Variants in GRM7 observed in about 807,000 individuals in gnomAD.
GRM7 encodes glutamate metabotropic receptor 7.
Under a neutral mutation model 84.5 loss-of-function variants are expected in GRM7, and 35 were observed. That is an observed-to-expected ratio of 0.41 (90% CI 0.32 to 0.55). The LOEUF (loss-of-function observed/expected upper bound fraction) is 0.55. Ranked by LOEUF, GRM7 falls within the 20% of genes least tolerant of loss-of-function variation. GRM7 has a pLI of 0.19. For missense variants in GRM7, 1,003 were observed against 1,194.6 expected (o/e 0.84, Z 2.36); for synonymous variants, 487 against 455.1 (o/e 1.07, Z -0.89).
Position 7,151,751 on chromosome 3 carries a change from G to T in GRM7, c.736+5083G>T, listed in dbSNP as rs187565466. 6.6e-6 allele frequency among the ~76,000 whole-genome samples: 1 copy of T among 152,056 alleles called. No homozygotes were observed. The highest frequency in any genetic ancestry group is 6.6e-5 in the Admixed American group (1 of 15,262). ...CTTACGATATGTAATTTTGCTAGAA[G>T]GCCATAAAATACTACATCCTAGATC... is the stretch of plus-strand genomic sequence containing the variant. On this transcript the variant is annotated intron_variant, in intron 2 of 9. Transcript: ENST00000357716. The surrounding 1 kb of genome is among the most constrained non-coding windows in gnomAD (Gnocchi z 4.5).
rs79849389 is a variant in GRM7, at chr3:7,421,809, T to C, written c.1174+6646T>C. Among the ~76,000 whole-genome samples, 703 of 152,040 alleles carry C rather than the reference T, an allele frequency of 4.6e-3. 6 individuals are homozygous for C. Among genetic ancestry groups the C allele is most frequent in the South Asian group, 0.023 (109 of 4,814 alleles). On this transcript the variant is annotated intron_variant, in intron 5 of 9. Transcript: ENST00000357716. The stretch of plus-strand genomic sequence containing the variant: ...AGAGCCTAGGAGCTCTTCAGTTTTT[T>C]GTTTTCGTTTTTGTTTTAAAGGAGT...
intron 1 of GRM7, among the ~76,000 whole-genome samples, chr3:7,121,485 T>C (rs1205204728): frequency 6.6e-6 from 1 of 152,226 alleles, no homozygotes; most frequent in African/African-American, 2.4e-5. Flanking sequence ...GAGTTATCTA[T>C]GCTTCATTGA....
At chr3:7,668,074 C>A (rs1268236352) in intron 8 of GRM7, among the ~76,000 whole-genome samples, 1 of 152,086 alleles carries the variant, frequency 6.6e-6, no homozygotes, top group African/African-American at 2.4e-5. Context: ...GACAATTATG[C>A]TTTATGGTTT....
At chr3:7,605,955 C>T (rs571582906) in intron 8 of GRM7, among the ~76,000 whole-genome samples, 28 of 152,158 alleles carry the variant, frequency 1.8e-4, no homozygotes, top group African/African-American at 2.9e-4. Context: ...AACAGGTAAT[C>T]GGCCTTATTA....
intron 2 of GRM7, among the ~76,000 whole-genome samples, chr3:7,265,796 C>T (rs1040620013): frequency 6.6e-6 from 1 of 152,172 alleles, no homozygotes; most frequent in Non-Finnish European, 1.5e-5. Flanking sequence ...TTTCTTTGTT[C>T]CTTTCTAAGT....
chr3:7,454,090 A>ACACTCTTTCT (rs1365192243), intron 6 of GRM7, among the ~76,000 whole-genome samples: 1 of 140,122 alleles, frequency 7.1e-6, no homozygotes, highest in African/African-American at 2.8e-5. Context: ...CTACACACAC[A>ACACTCTTTCT]CTCTCTCTCT....
intron 2 of GRM7, among the ~76,000 whole-genome samples, chr3:7,283,204 A>C (rs927431203): frequency 6.6e-6 from 1 of 152,156 alleles, no homozygotes; most frequent in African/African-American, 2.4e-5. Flanking sequence ...GGCACTGGAC[A>C]CTTCCCAGCT....
At chr3:7,424,591 G>A (rs13353402) in intron 5 of GRM7, among the ~76,000 whole-genome samples, 2,774 of 152,144 alleles carry the variant, frequency 0.018, 79 homozygotes, top group African/African-American at 0.057. Flanking sequence ...AGCTACCAAC[G>A]AGAAAAATTT....
intron 7 of GRM7, among the ~76,000 whole-genome samples, chr3:7,551,181 G>A (rs905668933): frequency 2.6e-5 from 4 of 152,154 alleles, no homozygotes; most frequent in Non-Finnish European, 5.9e-5. Context: ...ATAGAGGCAA[G>A]TTTCTCCTTA....
chr3:7,166,121 T>C (rs1694790529), intron 2 of GRM7, among the ~76,000 whole-genome samples: 1 of 152,234 alleles, frequency 6.6e-6, no homozygotes, highest in Non-Finnish European at 1.5e-5. Flanking sequence ...GAGAGATATG[T>C]ATAATTTTAT....
chr3:6,862,921 G>A lies in GRM7; in HGVS notation c.519+1014G>A. On this transcript the variant is annotated intron_variant, in intron 1 of 9. Transcript: ENST00000357716. This position sits in a 1 kb window ranked among gnomAD's most constrained non-coding sequence, Gnocchi z 5.2. Reference sequence around the variant, plus strand: ...ATGGGAGGAAGGCGGATCCGGGGCCGCTGAGCGGTGGGTTCTGCCGCAGTG... The same window carrying A: ...ATGGGAGGAAGGCGGATCCGGGGCCACTGAGCGGTGGGTTCTGCCGCAGTG... 2.3e-6 allele frequency: 1 copy of A among 434,678 alleles called. No individual in the cohort carries two copies. Among genetic ancestry groups the A allele is most frequent in the Non-Finnish European group, 4.6e-6 (1 of 217,854 alleles). 26.9% of individuals were successfully genotyped at this position (434,678 alleles called of 1,614,324 possible).
chr3:7,132,300 A>G (rs1693628020), intron 1 of GRM7, among the ~76,000 whole-genome samples: 1 of 152,192 alleles, frequency 6.6e-6, no homozygotes, highest in Admixed American at 6.5e-5. Flanking sequence ...CTTACTTGGT[A>G]TGTAACAAAA....
chr3:6,963,848 T>C (rs559832151), intron 1 of GRM7, among the ~76,000 whole-genome samples: 1 of 152,328 alleles, frequency 6.6e-6, no homozygotes, highest in Non-Finnish European at 1.5e-5. Flanking sequence ...AATATATGCT[T>C]ATTTTTTTCG....
At chr3:7,697,486 G>A (rs1236422643) in intron 9 of GRM7, among the ~76,000 whole-genome samples, 1 of 152,094 alleles carries the variant, frequency 6.6e-6, no homozygotes, top group African/African-American at 2.4e-5. Flanking sequence ...CTTCATTAAA[G>A]AGCTGTAATA....
chr3:7,209,896 G>A (rs1458326716), intron 2 of GRM7, among the ~76,000 whole-genome samples: 1 of 152,126 alleles, frequency 6.6e-6, no homozygotes, highest in Admixed American at 6.6e-5. Flanking sequence ...GCAGGAGAGA[G>A]GCCTGTCTCA....
chr3:7,362,715 A>G (rs1282067895), intron 4 of GRM7, among the ~76,000 whole-genome samples: 1 of 152,104 alleles, frequency 6.6e-6, no homozygotes. Context: ...TTAGACTTAT[A>G]CTTTCAAGTT....
At chr3:6,898,939 G>A (rs903828562) in intron 1 of GRM7, among the ~76,000 whole-genome samples, 1 of 152,150 alleles carries the variant, frequency 6.6e-6, no homozygotes, top group African/African-American at 2.4e-5. Context: ...GCAAGTGGTT[G>A]TGACAAATTC....
At chr3:7,152,399 C>T (rs1694313374) in intron 2 of GRM7, among the ~76,000 whole-genome samples, 1 of 152,168 alleles carries the variant, frequency 6.6e-6, no homozygotes, top group South Asian at 2.1e-4. Context: ...TTTCTGGTTT[C>T]CTCTTCCACA....
At position 6,861,503 on chromosome 3, in the gene GRM7, G is replaced by T. The variant is rs767313473; in HGVS notation, c.115G>T (p.Ala39Ser). 4.4e-6 allele frequency: 7 copies of T among 1,578,472 alleles called. No individual in the cohort carries two copies. Among genetic ancestry groups the T allele is most frequent in the Admixed American group, 3.7e-5 (2 of 54,160 alleles). Residue 39 changes from alanine (A) to serine (S), a missense_variant, in exon 1 of 10, where the codon GCC (alanine) becomes TCC (serine). Transcript: ENST00000357716. This position sits in a 1 kb window ranked among gnomAD's most constrained non-coding sequence, Gnocchi z 6.4. ...GGCGGCGCGCGGCCAGGAGATGTACGCCCCGCACTCAATCCGGATCGAGGG... is the reference window on the plus strand; with the variant it reads ...GGCGGCGCGCGGCCAGGAGATGTACTCCCCGCACTCAATCCGGATCGAGGG... The part of the protein sequence containing the change: ...AAAARGQEMY[A>S]PHSIRIEGDV...
Sources: gnomAD v4.1 joint callset for allele counts (sites outside exome capture counted in the v4.1 genomes callset) on GRCh38, gnomAD v4.1.1 for gene constraint, Gnocchi (gnomAD v3.1) non-coding constraint, MANE v1.5 for transcripts, NCBI Gene and HGNC (gene_info 2026-07-23, HGNC 2026-07-21) for gene names.